KDM6A: variants seen among roughly 807,000 people sequenced by gnomAD.
KDM6A encodes the protein lysine-specific demethylase 6A.
A neutral mutation model predicts 117.6 loss-of-function variants in KDM6A; 11 were observed. That is an observed-to-expected ratio of 0.09 (90% CI 0.06 to 0.15). The LOEUF (loss-of-function observed/expected upper bound fraction) is 0.15, where lower values mean the gene tolerates loss of function less well. Ranked by LOEUF, KDM6A falls within the 10% of genes least tolerant of loss-of-function variation. KDM6A has a pLI of 1.00. For synonymous variants in KDM6A, 384 were observed against 396.1 expected (o/e 0.97, Z 0.36); for missense variants, 799 against 1,077.3 (o/e 0.74, Z 3.62).
At chrX:44,944,996 G>C (rs1000068722) in intron 2 of KDM6A, among the ~76,000 whole-genome samples, 1 of 111,303 alleles carries the variant, frequency 9.0e-6, no homozygotes, top group Non-Finnish European at 1.9e-5. Flanking sequence ...TAGACTGTAG[G>C]TCTTCTGGTG....
intron 4 of KDM6A, among the ~76,000 whole-genome samples, chrX:45,001,000 A>C (rs750500400): frequency 8.9e-6 from 1 of 112,834 alleles, no homozygotes; most frequent in South Asian, 3.6e-4. Flanking sequence ...TTGCATCTTG[A>C]TATCCTGTCT....
rs1363703340 is a variant in KDM6A, at chrX:45,112,282, CTT to C, written c.*873_*874del. ...TCTATTGTTTGAGTTTTAAAAAAGA[CTT>C]TATGTACAGTGCCCAGTTTTTGTTC... On this transcript the variant is annotated 3_prime_UTR_variant, in exon 30 of 30. Coordinates refer to ENST00000611820, the MANE Select transcript of KDM6A (RefSeq NM_001291415.2). 3 of 138,641 alleles carry C rather than the reference CTT, an allele frequency of 2.2e-5. No homozygotes were observed. The highest frequency in any genetic ancestry group is 2.9e-5 in the Non-Finnish European group (2 of 70,137). The allele number at this position is 138,641 out of a possible 1,213,427, so 11.4% of individuals were successfully genotyped here. A position where few individuals can be genotyped will look rare whatever the true frequency, so the allele number is the denominator to read the frequency against.
intron 28 of KDM6A, among the ~76,000 whole-genome samples, chrX:45,109,701 T>G (rs2046696523): frequency 9.0e-6 from 1 of 111,606 alleles, no homozygotes. Context: ...ATAGAGGTAT[T>G]ATTTCTAAAA....
In KDM6A at chrX:44,873,292, G is replaced by A; in HGVS notation, c.-260G>A. The A allele has an allele frequency of 2.7e-6, 1 of 370,621 alleles. No homozygotes were observed. The highest frequency in any genetic ancestry group is 4.6e-6 in the Non-Finnish European group (1 of 216,335). The allele number at this position is 370,621 out of a possible 1,213,427, so 30.5% of individuals were successfully genotyped here. A position where few individuals can be genotyped will look rare whatever the true frequency, so the allele number is the denominator to read the frequency against. ...GCCGTTCCCGCCGTCCCCGCCTGTGGCTGCCCCCTGCCCAACCCCGCGATG... is the reference window on the plus strand; with the variant it reads ...GCCGTTCCCGCCGTCCCCGCCTGTGACTGCCCCCTGCCCAACCCCGCGATG... On this transcript the variant is annotated 5_prime_UTR_variant, in exon 1 of 30. Transcript: ENST00000611820.
At chrX:45,099,190 C>T (rs1409395057) in intron 27 of KDM6A, among the ~76,000 whole-genome samples, 1 of 111,141 alleles carries the variant, frequency 9.0e-6, no homozygotes, top group African/African-American at 3.3e-5. Context: ...AGGTTATTCT[C>T]CTACATACCT....
rs73493145 is a variant in KDM6A, at chrX:45,105,265, C to T, written c.4035-2145C>T. Among the ~76,000 whole-genome samples, 845 of 112,199 alleles carry T rather than the reference C, an allele frequency of 7.5e-3. 14 individuals are homozygous for T. The highest frequency in any genetic ancestry group is 0.026 in the African/African-American group (812 of 30,903). On this transcript the variant is annotated intron_variant, in intron 27 of 29. Transcript: ENST00000611820. Reference sequence around the variant, plus strand: ...ATGACATTAGACAAACTTAACTTCTCTGCGCTCCTTTTTCCCCATTTGCAA... The same window carrying T: ...ATGACATTAGACAAACTTAACTTCTTTGCGCTCCTTTTTCCCCATTTGCAA...
Position 45,063,734 on chromosome X carries a change from G to T in KDM6A, c.1996G>T (p.Ala666Ser). 10 of 1,207,560 alleles carry T rather than the reference G, an allele frequency of 8.3e-6. No homozygotes were observed. Among genetic ancestry groups the T allele is most frequent in the Non-Finnish European group, 1.1e-5 (10 of 892,888 alleles). ...AAACGTGCCTTACCTGCAGCGAAAC[G>T]CACTCACTCTACCTCATAACCGCAC... ...NGNVPYLQRNALTLPHNRTNL... is the reference protein window; with the variant it reads ...NGNVPYLQRNSLTLPHNRTNL... The change falls in exon 17 of 30, where the codon GCA becomes TCA. Residue 666 changes from alanine to serine, a missense_variant. This residue lies in a region of KDM6A where 301 missense variants were observed against 318.3 expected (regional missense o/e 0.95). Transcript: ENST00000611820.
intron 27 of KDM6A, among the ~76,000 whole-genome samples, chrX:45,104,122 T>G (rs1421970198): frequency 9.1e-6 from 1 of 110,216 alleles, no homozygotes; most frequent in Non-Finnish European, 1.9e-5. Context: ...CCTCCCGGAT[T>G]CAAGCAATTC....
chrX:44,899,004 G>GGTGTGTGTGTGTGTGTGT (rs745714866), intron 2 of KDM6A, among the ~76,000 whole-genome samples: 1,226 of 79,592 alleles, frequency 0.015, 68 homozygotes, highest in African/African-American at 0.069. Flanking sequence ...GGAGAGGGAG[G>GGTGTGTGTGTGTGTGTGT]GTGTGTGTGT....
At position 45,069,579 on chromosome X, in the gene KDM6A, G is replaced by T. The variant is rs2044718414; in HGVS notation, c.2080G>T (p.Gly694Trp). The T allele has an allele frequency of 2.5e-6, 3 of 1,205,019 alleles. No individual in the cohort carries two copies. The highest frequency in any genetic ancestry group is 1.8e-5 in the African/African-American group (1 of 56,568). The stretch of plus-strand genomic sequence containing the variant: ...TTAAACTATTTTTCTTTCTTTTTAG[G>T]GGCTTCACAAAGGTCAGAGTTCACA... ...WKNQLSNSTQGLHKGQSSHSA... is the reference protein window; with the variant it reads ...WKNQLSNSTQWLHKGQSSHSA... The change falls in exon 18 of 30, where the codon GGG becomes TGG. Residue 694 changes from glycine to tryptophan, a missense_variant and splice_region_variant. Gly to Trp is a radical substitution (Grantham distance 184). This residue lies in a region of KDM6A where 301 missense variants were observed against 318.3 expected (regional missense o/e 0.95). Transcript: ENST00000611820.
chrX:44,876,886 CATATAT>C (rs1384728435), intron 2 of KDM6A, among the ~76,000 whole-genome samples: 1 of 110,755 alleles, frequency 9.0e-6, no homozygotes, highest in South Asian at 3.6e-4. Context: ...TGTACATATA[CATATAT>C]ACACACGTAT....
Position 45,110,085 on chromosome X carries a change from G to A in KDM6A, c.4168G>A (p.Val1390Ile), listed in dbSNP as rs2148304692. The part of the protein sequence containing the change: ...AHYCSICEVE[V>I]FDLLFVTNES... The stretch of plus-strand genomic sequence containing the variant: ...TTTCTCTTGTATAAAACAGGTGGAG[G>A]TTTTTGATCTGCTTTTTGTCACTAA... The change falls in exon 29 of 30, where the codon GTT becomes ATT. Residue 1390 changes from valine (V) to isoleucine (I), a missense_variant. Coordinates refer to ENST00000611820, the MANE Select transcript of KDM6A (RefSeq NM_001291415.2). The A allele has an allele frequency of 8.3e-7, 1 of 1,209,121 alleles. No individual in the cohort carries two copies. Among genetic ancestry groups the A allele is most frequent in the South Asian group, 1.8e-5 (1 of 56,951 alleles).
At chrX:44,922,019 T>G (rs751159994) in intron 2 of KDM6A, among the ~76,000 whole-genome samples, 1 of 92,804 alleles carries the variant, frequency 1.1e-5, no homozygotes, top group Non-Finnish European at 2.1e-5. Flanking sequence ...TAAAATTCAT[T>G]GTGTGTGCCT....
At chrX:45,090,654 G>A (rs1395958563) in intron 26 of KDM6A, 69 bp from the exon 27 acceptor site, 1 of 1,110,223 alleles carries the variant, frequency 9.0e-7, no homozygotes, top group Non-Finnish European at 1.2e-6. Flanking sequence ...CACCTGAGCA[G>A]GTGATAATGG....
At chrX:44,970,115 C>T (rs1318075738) in intron 3 of KDM6A, among the ~76,000 whole-genome samples, 1 of 111,686 alleles carries the variant, frequency 9.0e-6, no homozygotes, top group Non-Finnish European at 1.9e-5. Flanking sequence ...AGAAACAGCA[C>T]GTTAAGATCC....
chrX:45,081,450 A>G (rs2045400240), intron 21 of KDM6A, among the ~76,000 whole-genome samples: 1 of 112,378 alleles, frequency 8.9e-6, no homozygotes, highest in African/African-American at 3.2e-5. Flanking sequence ...TGTATCCAGC[A>G]ATGTTCTAAA....
intron 8 of KDM6A, among the ~76,000 whole-genome samples, chrX:45,039,279 A>G (rs1357050369): frequency 9.3e-6 from 1 of 107,128 alleles, no homozygotes; most frequent in Non-Finnish European, 1.9e-5. Flanking sequence ...CTATGAGATC[A>G]CTGGTCTGTC....
At chrX:44,917,707 A>G (rs182577811) in intron 2 of KDM6A, among the ~76,000 whole-genome samples, 1 of 111,925 alleles carries the variant, frequency 8.9e-6, no homozygotes, top group Non-Finnish European at 1.9e-5. Flanking sequence ...GAGGAAACAA[A>G]GGTTCAGAGT....
intron 4 of KDM6A, among the ~76,000 whole-genome samples, chrX:44,975,799 T>A (rs370590061): frequency 8.9e-6 from 1 of 112,130 alleles, no homozygotes; most frequent in African/African-American, 3.2e-5. Flanking sequence ...CACAGGTGTT[T>A]ACACCAGATG....
Sources: gnomAD v4.1 joint callset for allele counts (sites outside exome capture counted in the v4.1 genomes callset) on GRCh38, gnomAD v4.1.1 for gene constraint, gnomAD v4.1.1 regional missense constraint, MANE v1.5 for transcripts, NCBI Gene and HGNC (gene_info 2026-07-23, HGNC 2026-07-21) for gene names.